Variants in TRIM5 observed in about 807,000 individuals in gnomAD.
TRIM5 encodes the protein tripartite motif containing 5, also known as tripartite motif-containing protein 5.
Under a neutral mutation model 35.6 loss-of-function variants are expected in TRIM5, and 31 were observed. That is an observed-to-expected ratio of 0.87 (90% confidence interval 0.65 to 1.18). The LOEUF is 1.18. Among genes scored for constraint, TRIM5 ranks in the 50% most tolerant of loss-of-function variants. TRIM5 has a pLI of 0.00. For synonymous variants in TRIM5, 243 were observed against 215.6 expected, an observed-to-expected ratio of 1.13 and a Z score of -1.11; for missense variants, 609 against 591.6, an observed-to-expected ratio of 1.03 and a Z score of -0.31.
At chr11:5,673,044 A>G (rs994306164) in intron 4 of TRIM5, among the ~76,000 whole-genome samples, 41 of 152,190 alleles carry the variant, frequency 2.7e-4, no homozygotes, top group Admixed American at 2.7e-3. Context: ...AATATAGAAA[A>G]CAAATAGCAA....
At chr11:5,597,489 G>A in the TRIM5 span, among the ~76,000 whole-genome samples, 2 of 152,098 alleles carry the variant, frequency 1.3e-5, no homozygotes, top group Non-Finnish European at 2.9e-5. Context: ...ATTGAGTCCT[G>A]TTAGATAATC....
chr11:5,628,567 G>A, the TRIM5 span, among the ~76,000 whole-genome samples: 2 of 152,062 alleles, frequency 1.3e-5, no homozygotes, highest in Admixed American at 1.3e-4. Flanking sequence ...GACAGGTCTC[G>A]AGGCCTAGGT....
At chr11:5,641,430 A>G in the TRIM5 span, 2 of 1,036,914 alleles carry the variant, frequency 1.9e-6, no homozygotes, top group African/African-American at 1.6e-5. Context: ...AAAGGATATT[A>G]AGGATGAGAG....
At chr11:5,684,358 C>G (rs2134153873) in intron 1 of TRIM5, among the ~76,000 whole-genome samples, 1 of 152,278 alleles carries the variant, frequency 6.6e-6, no homozygotes, top group South Asian at 2.1e-4. Flanking sequence ...AGAAATAAAA[C>G]CTGCTTGCCT....
At chr11:5,615,579 T>TG in the TRIM5 span, among the ~76,000 whole-genome samples, 783 of 98,524 alleles carry the variant, frequency 7.9e-3, 10 homozygotes, top group African/African-American at 0.026. Context: ...TGTTTTTTGT[T>TG]TTTTTTTTGT....
the TRIM5 span, chr11:5,641,414 AGCC>A: frequency 8.5e-7 from 1 of 1,181,548 alleles, no homozygotes; most frequent in Non-Finnish European, 1.1e-6. Context: ...TCAGAGCTAC[AGCC>A]AAAAAGGATA....
At chr11:5,663,001 G>A (rs866822735), downstream of TRIM5, among the ~76,000 whole-genome samples, 4 of 152,116 alleles carry the variant, frequency 2.6e-5, no homozygotes, top group Non-Finnish European at 4.4e-5. Context: ...GTGGTGGTGC[G>A]TGACTGTAGT....
At chr11:5,674,995 C>T (rs2134084158) in intron 4 of TRIM5, among the ~76,000 whole-genome samples, 1 of 152,016 alleles carries the variant, frequency 6.6e-6, no homozygotes, top group Middle Eastern at 3.4e-3. Flanking sequence ...TTATAGTTAA[C>T]AATGTATTGT....
In TRIM5 at chr11:5,676,163, C is replaced by A. The variant is rs574753358; in HGVS notation, c.744+2041G>T. Among the ~76,000 whole-genome samples the A allele has an allele frequency of 3.4e-3, 514 of 151,264 alleles. 3 individuals are homozygous for A. Among genetic ancestry groups the A allele is most frequent in the Non-Finnish European group, 6.1e-3 (411 of 67,756 alleles). On this transcript the variant is annotated intron_variant, in intron 4 of 7. Coordinates refer to ENST00000380034, the MANE Select transcript of TRIM5 (RefSeq NM_033034.3). ...TGTGAATAATGCCACAATAAACATA[C>A]GTGTGCATGTGTCTTTATAGCAGCA... is the stretch of plus-strand genomic sequence containing the variant.
intron 4 of TRIM5, among the ~76,000 whole-genome samples, chr11:5,676,723 C>G (rs1403415223): frequency 1.3e-5 from 2 of 149,292 alleles, no homozygotes; most frequent in East Asian, 3.9e-4. Context: ...CTACAGTAAC[C>G]AAAACAGCAT....
chr11:5,623,581 C>T, the TRIM5 span, among the ~76,000 whole-genome samples: 1 of 148,124 alleles, frequency 6.8e-6, no homozygotes, highest in Admixed American at 6.8e-5. Context: ...GGGGTTTCAC[C>T]ATGTTAGCCA....
At chr11:5,678,014 TA>T in intron 4 of TRIM5, 189 bp downstream of exon 4, 1 of 531,830 alleles carries the variant, frequency 1.9e-6, no homozygotes, top group South Asian at 3.0e-5. Context: ...CTGCTCTGGA[TA>T]AATTAATAAA....
At chr11:5,652,296 T>A in the TRIM5 span, among the ~76,000 whole-genome samples, 1 of 152,190 alleles carries the variant, frequency 6.6e-6, no homozygotes, top group Non-Finnish European at 1.5e-5. Flanking sequence ...TTATAAGTTT[T>A]AGGTTTTATA....
chr11:5,653,681 A>G, the TRIM5 span, among the ~76,000 whole-genome samples: 137,861 of 151,726 alleles, frequency 0.91, 62,805 homozygotes, highest in East Asian at 1. Context: ...TGGTAGAGAC[A>G]GGGTTTTTAC....
chr11:5,641,369 C>T, the TRIM5 span: 2 of 1,409,668 alleles, frequency 1.4e-6, no homozygotes, highest in Admixed American at 5.3e-5. Flanking sequence ...TATTAATGGA[C>T]TCGATCCTAT....
intron 3 of TRIM5, 100 bp from the exon 4 acceptor site, chr11:5,678,534 G>T: frequency 1.1e-6 from 1 of 898,822 alleles, no homozygotes; most frequent in Non-Finnish European, 1.7e-6. Context: ...CACAAGGAGG[G>T]GACATAGTAG....
chr11:5,591,664 T>A, the TRIM5 span, among the ~76,000 whole-genome samples: 1 of 151,054 alleles, frequency 6.6e-6, no homozygotes, highest in African/African-American at 2.4e-5. Context: ...AAAAAAAAAA[T>A]TAATGAGGTA....
At chr11:5,643,180 A>C in the TRIM5 span, 1 of 1,590,954 alleles carries the variant, frequency 6.3e-7, no homozygotes, top group Non-Finnish European at 8.5e-7. Flanking sequence ...CTAAATTTGA[A>C]TCTTGTCCTT....
downstream of TRIM5, among the ~76,000 whole-genome samples, chr11:5,660,432 A>G (rs115992157): frequency 6.1e-3 from 929 of 152,258 alleles, 17 homozygotes; most frequent in African/African-American, 0.021. Context: ...TACCCTGAAT[A>G]TTCTGATTGC....
Sources: allele counts gnomAD v4.1 joint callset (sites outside exome capture counted in the v4.1 genomes callset), GRCh38; gene constraint gnomAD v4.1.1; transcripts MANE v1.5; gene names NCBI Gene and HGNC (gene_info 2026-07-23, HGNC 2026-07-21).